RGS6: variants seen among roughly 807,000 people sequenced by gnomAD.
RGS6 encodes the protein regulator of G-protein signaling 6.
RGS6 carries 30 observed loss-of-function variants against 78.5 expected under a neutral mutation model. That is an observed-to-expected ratio of 0.38 (90% CI 0.29 to 0.52). The LOEUF is 0.52. RGS6 is among the 20% of genes least tolerant of loss of function. The pLI, the probability that RGS6 is intolerant of heterozygous loss-of-function variation, is 0.85. For synonymous variants in RGS6, 206 were observed against 206.0 expected (o/e 1.00, Z 0.00); for missense variants, 495 against 609.7 (o/e 0.81, Z 1.98).
At chr14:72,289,036 T>C (rs1373171028) in intron 2 of RGS6, among the ~76,000 whole-genome samples, 12 of 152,186 alleles carry the variant, frequency 7.9e-5, no homozygotes, top group Admixed American at 7.2e-4. Flanking sequence ...TGAGAATTAC[T>C]AACAATGCAT....
chr14:72,403,952 T>A lies in RGS6; in HGVS notation c.185-50576T>A, dbSNP rs116172789. ...AAGTTACTGAAATTAAAAGGAATGT[T>A]AAAGATCTCAGGTTTCTTGATTTCA... On this transcript the variant is annotated intron_variant, in intron 3 of 17. Coordinates refer to ENST00000553525, the MANE Select transcript of RGS6 (RefSeq NM_001204424.2). Among the ~76,000 whole-genome samples the A allele has an allele frequency of 2.3e-3, 348 of 152,342 alleles. 3 individuals carry two copies. The highest frequency in any genetic ancestry group is 8.2e-3 in the African/African-American group (341 of 41,580).
chr14:71,963,674 C>T (rs951285196), intron 1 of RGS6, among the ~76,000 whole-genome samples: 4 of 152,234 alleles, frequency 2.6e-5, no homozygotes, highest in African/African-American at 4.8e-5. Context: ...GGTTCATCCA[C>T]GTTGTAGTGT....
intron 3 of RGS6, among the ~76,000 whole-genome samples, chr14:72,429,591 G>A (rs1283084941): frequency 6.6e-6 from 1 of 152,042 alleles, no homozygotes; most frequent in Non-Finnish European, 1.5e-5. Flanking sequence ...TCATTCATCA[G>A]AACTTAAATC....
intron 2 of RGS6, among the ~76,000 whole-genome samples, chr14:72,177,261 C>T (rs2097117912): frequency 6.6e-6 from 1 of 152,152 alleles, no homozygotes; most frequent in Non-Finnish European, 1.5e-5. Context: ...ATTATAGGTT[C>T]CATAGGCCAC....
At chr14:72,194,930 G>A (rs188597409) in intron 2 of RGS6, among the ~76,000 whole-genome samples, 2 of 152,066 alleles carry the variant, frequency 1.3e-5, no homozygotes, top group Non-Finnish European at 2.9e-5. Context: ...AAATAGGCTG[G>A]GTGCAGTGGC....
rs28540161 is a variant in RGS6 at position 72,526,344 on chromosome 14, A to G, written c.1278+7807A>G. Among the ~76,000 whole-genome samples, 1,290 of 152,110 alleles carry G rather than the reference A, an allele frequency of 8.5e-3. 15 individuals are homozygous for G. Among genetic ancestry groups the G allele is most frequent in the African/African-American group, 0.03 (1,232 of 41,492 alleles). On this transcript the variant is annotated intron_variant, in intron 15 of 17. Coordinates refer to ENST00000553525, the MANE Select transcript of RGS6 (RefSeq NM_001204424.2). ...ATGGTCTCGATCTCCTGACCTCATG[A>G]TCTGCCCGCCTTGGCCTCCCAGAGT...
intron 2 of RGS6, among the ~76,000 whole-genome samples, chr14:72,103,340 C>A (rs2095565576): frequency 6.6e-6 from 1 of 152,174 alleles, no homozygotes; most frequent in Admixed American, 6.5e-5. Flanking sequence ...AAACCCTCAG[C>A]CCCTTGAAAT....
chr14:72,182,236 C>T (rs1297148095), intron 2 of RGS6, among the ~76,000 whole-genome samples: 1 of 151,938 alleles, frequency 6.6e-6, no homozygotes, highest in East Asian at 1.9e-4. Context: ...GGTGAAACCC[C>T]ATCTCTACTA....
intron 2 of RGS6, among the ~76,000 whole-genome samples, chr14:72,314,204 G>C (rs971381844): frequency 6.6e-6 from 1 of 152,128 alleles, no homozygotes; most frequent in Admixed American, 6.5e-5. Flanking sequence ...GTTGGGGAGA[G>C]GTTCCTCCTA....
At chr14:72,402,920 C>T (rs912780787) in intron 3 of RGS6, among the ~76,000 whole-genome samples, 1 of 151,446 alleles carries the variant, frequency 6.6e-6, no homozygotes, top group African/African-American at 2.4e-5. Flanking sequence ...CCTCAACCTC[C>T]CCAGTAGCTG....
the RGS6 span, among the ~76,000 whole-genome samples, chr14:71,917,753 C>A: frequency 6.6e-6 from 1 of 152,180 alleles, no homozygotes; most frequent in Non-Finnish European, 1.5e-5. Context: ...GGTCATCTTT[C>A]GGTAGTGTGT....
intron 12 of RGS6, among the ~76,000 whole-genome samples, chr14:72,492,114 T>C (rs1197001165): frequency 6.6e-6 from 1 of 152,166 alleles, no homozygotes; most frequent in East Asian, 1.9e-4. Context: ...CCTTTCCTCA[T>C]CTACCATAAG....
chr14:72,446,679 C>T (rs1197241494), intron 3 of RGS6, among the ~76,000 whole-genome samples: 1 of 152,218 alleles, frequency 6.6e-6, no homozygotes, highest in Non-Finnish European at 1.5e-5. Context: ...AATTATACAA[C>T]TCACCACAAT....
chr14:72,319,722 G>A (rs957056521), intron 2 of RGS6, among the ~76,000 whole-genome samples: 1 of 152,144 alleles, frequency 6.6e-6, no homozygotes, highest in African/African-American at 2.4e-5. Flanking sequence ...GCCGAACATA[G>A]AATAGAGGAT....
rs1425504916 is a variant in RGS6, at chr14:72,217,741, A to G, written c.85-134354A>G. Among the ~76,000 whole-genome samples the G allele has an allele frequency of 3.3e-5, 5 of 152,134 alleles. No homozygotes were observed. The East Asian group carries it at 5.8e-4, about 18-fold the overall frequency. On this transcript the variant is annotated intron_variant, in intron 2 of 17. Coordinates refer to ENST00000553525, the MANE Select transcript of RGS6 (RefSeq NM_001204424.2). The stretch of plus-strand genomic sequence containing the variant: ...CATGCCATTTTTCACACTTACAAAC[A>G]TATATACATTTTTAAGAGGTTTTAT...
intron 2 of RGS6, among the ~76,000 whole-genome samples, chr14:72,301,297 A>G (rs1160360665): frequency 6.6e-6 from 1 of 152,194 alleles, no homozygotes; most frequent in Non-Finnish European, 1.5e-5. Context: ...TTCGTAGTGA[A>G]GTAAATGTGT....
intron 3 of RGS6, among the ~76,000 whole-genome samples, chr14:72,420,152 G>A (rs975935675): frequency 7.9e-5 from 12 of 152,208 alleles, no homozygotes; most frequent in African/African-American, 2.9e-4. Context: ...TCAAACCCCA[G>A]GCTTGCCTCC....
At position 72,519,216 on chromosome 14, in the gene RGS6, G is replaced by T. The variant is rs769296625; in HGVS notation, c.1278+679G>T. Among the ~76,000 whole-genome samples, 14 of 152,314 alleles carry T rather than the reference G, an allele frequency of 9.2e-5. No homozygotes were observed. The South Asian group carries it at 1.2e-3, about 14-fold the overall frequency. On this transcript the variant is annotated intron_variant, in intron 15 of 17. Transcript: ENST00000553525. Reference sequence around the variant, plus strand: ...ATGCTCACAGATGCTAGTGATGCTGGCTAAAGAAACAGGAACCACCCTAAC... The same window carrying T: ...ATGCTCACAGATGCTAGTGATGCTGTCTAAAGAAACAGGAACCACCCTAAC...
intron 3 of RGS6, among the ~76,000 whole-genome samples, chr14:72,426,288 T>C (rs1447703865): frequency 6.6e-6 from 1 of 152,194 alleles, no homozygotes; most frequent in Non-Finnish European, 1.5e-5. Flanking sequence ...TTACATGACT[T>C]ATTCAATATC....
Sources: allele counts gnomAD v4.1 joint callset (sites outside exome capture counted in the v4.1 genomes callset), GRCh38; gene constraint gnomAD v4.1.1; transcripts MANE v1.5; gene names NCBI Gene and HGNC (gene_info 2026-07-23, HGNC 2026-07-21).